The following STPG2 variants were observed in gnomAD, a reference collection of about 807,000 sequenced individuals.
The protein encoded by STPG2 is sperm tail PG-rich repeat containing 2, also known as sperm-tail PG-rich repeat-containing protein 2.
STPG2 carries 56 observed loss-of-function variants against 54.2 expected under a neutral mutation model. That is an observed-to-expected ratio of 1.03 (90% confidence interval 0.83 to 1.29). The LOEUF (loss-of-function observed/expected upper bound fraction) is 1.29. Ranked by LOEUF, STPG2 falls within the 50% of genes most tolerant of loss-of-function variation. The pLI is 0.00. For missense variants in STPG2, 596 were observed against 544.9 expected (o/e 1.09, Z -0.93); for synonymous variants, 200 against 181.8 (o/e 1.10, Z -0.81).
At chr4:98,134,708 A>G (rs1740092788) in intron 1 of STPG2, among the ~76,000 whole-genome samples, 1 of 151,512 alleles carries the variant, frequency 6.6e-6, no homozygotes, top group South Asian at 2.1e-4. Context: ...ACTAAAGAAA[A>G]TAAAGCACTC....
At chr4:97,619,132 G>A (rs1481282320) in intron 10 of STPG2, among the ~76,000 whole-genome samples, 3 of 152,074 alleles carry the variant, frequency 2.0e-5, no homozygotes, top group East Asian at 1.9e-4. Flanking sequence ...AGTAAGTGCT[G>A]AAGATCATCT....
At chr4:97,560,879 T>C (rs893679154) in intron 10 of STPG2, among the ~76,000 whole-genome samples, 1 of 152,226 alleles carries the variant, frequency 6.6e-6, no homozygotes, top group Non-Finnish European at 1.5e-5. Context: ...GACTCATTCT[T>C]GTCATTAGAA....
intron 4 of STPG2, among the ~76,000 whole-genome samples, chr4:97,535,672 A>G (rs1731512154): frequency 6.6e-6 from 1 of 152,126 alleles, no homozygotes; most frequent in South Asian, 2.1e-4. Flanking sequence ...GATTTCAGAT[A>G]TTCTCTTTTA....
At chr4:97,694,812 C>CAAAAAAAAAAAAAAAAAAAAAAAAA (rs70953083) in intron 10 of STPG2, among the ~76,000 whole-genome samples, 1 of 44,032 alleles carries the variant, frequency 2.3e-5, no homozygotes, top group Non-Finnish European at 4.3e-5. Flanking sequence ...GACTCTGTCA[C>CAAAAAAAAAAAAAAAAAAAAAAAAA]AAAAAAAAAA....
chr4:97,953,036 A>G (rs1010754245), intron 7 of STPG2, among the ~76,000 whole-genome samples: 2 of 152,184 alleles, frequency 1.3e-5, no homozygotes, highest in African/African-American at 4.8e-5. Flanking sequence ...GGTGACGGGC[A>G]GAGCTATAGA....
chr4:97,487,819 A>G lies in STPG2; in HGVS notation c.462+224880T>C, dbSNP rs191898246. On this transcript the variant is annotated intron_variant, in intron 4 of 4. Transcript: ENST00000522676. ...AACACAAATCTTATAAATGACTTAG[A>G]AAAAAAGCTATAAATGAGTAAAATG... Among the ~76,000 whole-genome samples, 637 of 151,668 alleles carry G rather than the reference A, an allele frequency of 4.2e-3. 3 individuals carry two copies. The highest frequency in any genetic ancestry group is 0.02 in the South Asian group (98 of 4,830).
intron 4 of STPG2, among the ~76,000 whole-genome samples, chr4:97,480,323 A>G (rs1323775878): frequency 6.6e-6 from 1 of 151,600 alleles, no homozygotes; most frequent in Non-Finnish European, 1.5e-5. Context: ...CCCATTTAAA[A>G]AAAGAAAACA....
At position 97,482,262 on chromosome 4, in the gene STPG2, C is replaced by T. The variant is rs575187577; in HGVS notation, c.462+230437G>A. Among the ~76,000 whole-genome samples the T allele has an allele frequency of 1.1e-4, 17 of 151,012 alleles. No homozygotes were observed. In the East Asian group the frequency reaches 2.1e-3, roughly 19 times the overall value. ...TTTTGAAAAAAAAGTTTTGGATCTA[C>T]GTTAAAAAAGATATTGGTCTCTTGT... On this transcript the variant is annotated intron_variant, in intron 4 of 4. Coordinates refer to the STPG2 transcript ENST00000522676.
intron 4 of STPG2, among the ~76,000 whole-genome samples, chr4:97,483,247 C>T (rs1730270174): frequency 6.6e-6 from 1 of 151,620 alleles, no homozygotes; most frequent in Non-Finnish European, 1.5e-5. Flanking sequence ...ACATTCAATA[C>T]ACATGGCATA....
Position 97,793,400 on chromosome 4 carries a change from C to CAG in STPG2, c.1204+47372_1204+47373insCT, listed in dbSNP as rs70953085. Reference sequence around the variant, plus strand: ...ACACACACACACACACACACACACACACAGAGAAATAGCATACATATAAAT... The same window carrying CAG: ...ACACACACACACACACACACACACACAGACAGAGAAATAGCATACATATAAAT... On this transcript the variant is annotated intron_variant, in intron 9 of 10. Coordinates refer to ENST00000295268, the MANE Select transcript of STPG2 (RefSeq NM_174952.3). 1.2e-4 allele frequency among the ~76,000 whole-genome samples: 18 copies of CAG among 148,276 alleles called. No homozygotes were observed. The East Asian group carries it at 1.2e-3, about 10-fold the overall frequency.
intron 5 of STPG2, among the ~76,000 whole-genome samples, chr4:98,055,857 G>A (rs1392907109): frequency 2.6e-5 from 4 of 152,162 alleles, no homozygotes; most frequent in Non-Finnish European, 4.4e-5. Flanking sequence ...GGCCATGCCT[G>A]TTAACAGGGC....
intron 10 of STPG2, among the ~76,000 whole-genome samples, chr4:97,666,653 GAT>G (rs1405724339): frequency 6.6e-6 from 1 of 152,054 alleles, no homozygotes; most frequent in African/African-American, 2.4e-5. Context: ...GCCACTTTAG[GAT>G]ATATAACAAT....
chr4:97,489,852 T>A (rs1004590914), intron 4 of STPG2: 2 of 151,072 alleles, frequency 1.3e-5, no homozygotes, highest in East Asian at 3.9e-4. Flanking sequence ...GAAATCTTAA[T>A]CTCCAGATGG....
intron 4 of STPG2, among the ~76,000 whole-genome samples, chr4:97,480,456 T>C (rs1730190888): frequency 6.6e-6 from 1 of 151,602 alleles, no homozygotes; most frequent in African/African-American, 2.4e-5. Context: ...CCTTATCTCA[T>C]TTTAAGAGGC....
intron 5 of STPG2, among the ~76,000 whole-genome samples, chr4:97,998,106 T>C (rs1735300529): frequency 1.3e-5 from 2 of 152,000 alleles, no homozygotes; most frequent in Non-Finnish European, 2.9e-5. Flanking sequence ...CAATAATGAG[T>C]CATGATAGAT....
chr4:98,056,047 G>T (rs893777810), intron 5 of STPG2, among the ~76,000 whole-genome samples: 1 of 152,106 alleles, frequency 6.6e-6, no homozygotes, highest in Non-Finnish European at 1.5e-5. Flanking sequence ...GCTGGTATGT[G>T]TCTGCACAGG....
In STPG2 at chr4:98,070,964, C is replaced by A. The variant is rs149567578; in HGVS notation, c.612+34989G>T. 4.7e-3 allele frequency among the ~76,000 whole-genome samples: 714 copies of A among 151,594 alleles called. 12 individuals are homozygous for A. The highest frequency in any genetic ancestry group is 0.016 in the African/African-American group (665 of 40,982). On this transcript the variant is annotated intron_variant, in intron 5 of 10. Coordinates refer to ENST00000295268, the MANE Select transcript of STPG2 (RefSeq NM_174952.3). Reference sequence around the variant, plus strand: ...AGTAATTTACAGATTCAATGCTATTCCCATTAAACTACCATTTACATGTTT... The same window carrying A: ...AGTAATTTACAGATTCAATGCTATTACCATTAAACTACCATTTACATGTTT...
At chr4:97,738,729 A>G (rs1725112660) in intron 9 of STPG2, among the ~76,000 whole-genome samples, 1 of 152,154 alleles carries the variant, frequency 6.6e-6, no homozygotes, top group South Asian at 2.1e-4. Flanking sequence ...TGAGTGACCT[A>G]CAAAGAGACT....
chr4:97,574,724 A>C (rs1732681465), intron 10 of STPG2, among the ~76,000 whole-genome samples: 1 of 151,968 alleles, frequency 6.6e-6, no homozygotes, highest in Non-Finnish European at 1.5e-5. Context: ...TGGTGGGAGG[A>C]GGTCAGAAAG....
Sources: allele counts gnomAD v4.1 joint callset (sites outside exome capture counted in the v4.1 genomes callset), GRCh38; gene constraint gnomAD v4.1.1; transcripts MANE v1.5; gene names NCBI Gene and HGNC (gene_info 2026-07-23, HGNC 2026-07-21).